CLEC4E: variants seen among roughly 807,000 people sequenced by gnomAD.
CLEC4E encodes C-type (calcium dependent, carbohydrate-recognition domain) lectin, superfamily member 9.
A neutral mutation model predicts 24.7 loss-of-function variants in CLEC4E; 21 were observed. The ratio of observed to expected loss-of-function variants is 0.85; its 90% CI spans 0.60 to 1.22. The LOEUF (loss-of-function observed/expected upper bound fraction) is 1.22, where lower values mean the gene tolerates loss of function less well. Among genes scored for constraint, CLEC4E ranks in the 50% most tolerant of loss-of-function variants. The probability of loss-of-function intolerance (pLI) is 0.00; values close to 1 mark genes in which losing one functional copy is unlikely to be tolerated. For synonymous variants in CLEC4E, 94 were observed against 85.7 expected (o/e 1.10, Z -0.54); for missense variants, 249 against 254.1 (o/e 0.98, Z 0.14).
rs1031816658 is a variant in CLEC4E, at chr12:8,533,325, A to G, written c.*1313T>C. 5 of 152,248 alleles carry G rather than the reference A, an allele frequency of 3.3e-5. No homozygotes were observed. The highest frequency in any genetic ancestry group is 7.3e-5 in the Non-Finnish European group (5 of 68,036). The allele number at this position is 152,248 out of a possible 1,614,324, so 9.4% of individuals were successfully genotyped here. A position where few individuals can be genotyped will look rare whatever the true frequency, so the allele number is the denominator to read the frequency against. ...CATCAGTATTGGTAGAATTTTATGCAATAAATGAATGGGCTATTACTGGAT... is the reference window on the plus strand; with the variant it reads ...CATCAGTATTGGTAGAATTTTATGCGATAAATGAATGGGCTATTACTGGAT... On this transcript the variant is annotated 3_prime_UTR_variant, in exon 6 of 6. Coordinates refer to ENST00000299663, the MANE Select transcript of CLEC4E (RefSeq NM_014358.4).
intron 5 of CLEC4E, among the ~76,000 whole-genome samples, chr12:8,535,093 T>A (rs903555438): frequency 6.6e-6 from 1 of 152,216 alleles, no homozygotes; most frequent in Non-Finnish European, 1.5e-5. Context: ...AGCTATAGAA[T>A]GAGAAGTTAT....
intron 3 of CLEC4E, among the ~76,000 whole-genome samples, chr12:8,538,254 A>G (rs1940643307): frequency 6.6e-6 from 1 of 152,226 alleles, no homozygotes; most frequent in Non-Finnish European, 1.5e-5. Flanking sequence ...TTCAGTGGTC[A>G]CACTCCTAGT....
In CLEC4E at chr12:8,537,270, G is replaced by A. The variant is rs753689301; in HGVS notation, c.221-4C>T. On this transcript the variant is annotated splice_polypyrimidine_tract_variant and splice_region_variant and intron_variant, in intron 3 of 5. Transcript: ENST00000299663. ...GGACAACAATTCTTGACTGAACCTA[G>A]GATGAGAGATGTTTCAGTGAGTGTC... 6.2e-7 allele frequency: 1 copy of A among 1,611,648 alleles called. No homozygotes were observed. The highest frequency in any genetic ancestry group is 8.5e-7 in the Non-Finnish European group (1 of 1,178,044).
intron 2 of CLEC4E, 91 bp downstream of exon 2, chr12:8,539,764 G>C: frequency 1.3e-6 from 1 of 794,138 alleles, no homozygotes; most frequent in South Asian, 1.6e-5. Flanking sequence ...AAGACCCTTT[G>C]AGGGCAAAGA....
chr12:8,536,733 T>C (rs1165657069), intron 4 of CLEC4E, among the ~76,000 whole-genome samples: 1 of 152,198 alleles, frequency 6.6e-6, no homozygotes, highest in African/African-American at 2.4e-5. Context: ...TTATCTACTA[T>C]TATTGGTGGC....
Position 8,540,778 on chromosome 12 carries a change from G to C in CLEC4E, c.20C>G (p.Ser7Cys). MNSSKS[S>C]ETQCTERGCF... ...GATTTTACCTGTGCATTGTGTTTCA[G>C]ATGATTTAGATGAATTCATTTTTTC... Residue 7 changes from serine to cysteine, a missense_variant, in exon 1 of 6, where the codon TCT becomes TGT. Transcript: ENST00000299663. The C allele has an allele frequency of 6.2e-7, 1 of 1,609,144 alleles. No individual in the cohort carries two copies. Among genetic ancestry groups the C allele is most frequent in the Non-Finnish European group, 8.5e-7 (1 of 1,175,912 alleles).
chr12:8,534,647 T>C lies in CLEC4E; in HGVS notation c.651A>G (p.Lys217=), dbSNP rs1436916418. ...MVGINPLNKG[K]SL ...GTTGTGCCTTCTGTTCTTAAAGAGA[T>C]TTTCCTTTGTTCAAAGGATTTATTC... The change falls in exon 6 of 6, where the codon AAA becomes AAG. Residue 217 remains lysine, a synonymous_variant. Coordinates refer to ENST00000299663, the MANE Select transcript of CLEC4E (RefSeq NM_014358.4). 7 of 1,612,832 alleles carry C rather than the reference T, an allele frequency of 4.3e-6. No homozygotes were observed. The highest frequency in any genetic ancestry group is 3.3e-5 in the Admixed American group (2 of 59,898).
rs141145068 is a variant in CLEC4E, at chr12:8,534,803, C to T, written c.495G>A (p.Trp165Ter). The T allele has an allele frequency of 9.3e-6, 15 of 1,610,108 alleles. No homozygotes were observed. The highest frequency in any genetic ancestry group is 2.2e-5 in the East Asian group (1 of 44,838). Residue 165 changes from tryptophan to a stop codon, truncating the protein, a stop_gained, in exon 6 of 6, where the codon TGG becomes TGA. Coordinates refer to ENST00000299663, the MANE Select transcript of CLEC4E (RefSeq NM_014358.4). LOFTEE classifies it low-confidence loss of function (END_TRUNC). ...CTATGTTGTTGGGCTCCCCTACATC[C>T]CAGAAGCTGAAAAAGAATGACATAG... Reference protein sequence around the residue: ...GTPLTKSLSFWDVGEPNNIAT... With the variant: ...GTPLTKSLSF
At chr12:8,535,024 T>C (rs1940594473) in intron 5 of CLEC4E, among the ~76,000 whole-genome samples, 1 of 152,236 alleles carries the variant, frequency 6.6e-6, no homozygotes, top group African/African-American at 2.4e-5. Flanking sequence ...GAACCGGATC[T>C]TTCTGACTTT....
At position 8,533,827 on chromosome 12, in the gene CLEC4E, T is replaced by C. The variant is rs1370853858; in HGVS notation, c.*811A>G. On this transcript the variant is annotated 3_prime_UTR_variant, in exon 6 of 6. Coordinates refer to ENST00000299663, the MANE Select transcript of CLEC4E (RefSeq NM_014358.4). ...TTACCTATATAAAAAGCCTTTAACA[T>C]GTACCCCCGAAAGCTAAAATAAAAG... 2 of 152,210 alleles carry C rather than the reference T, an allele frequency of 1.3e-5. No homozygotes were observed. The highest frequency in any genetic ancestry group is 2.9e-5 in the Non-Finnish European group (2 of 68,064). 9.4% of individuals were successfully genotyped at this position (152,210 alleles called of 1,614,324 possible).
At position 8,536,055 on chromosome 12, in the gene CLEC4E, G is replaced by T. The variant is rs760979535; in HGVS notation, c.488+35C>A. 1.3e-5 allele frequency: 17 copies of T among 1,285,490 alleles called. 1 individual carries two copies. The South Asian group carries it at 2.0e-4, about 15-fold the overall frequency. 79.6% of individuals were successfully genotyped at this position (1,285,490 alleles called of 1,614,324 possible). On this transcript the variant is annotated intron_variant, in intron 5 of 5. Transcript: ENST00000299663. ...GATCTATTGCAGGTAACAGAAGGAG[G>T]TTTCAAGAACTCCTCTCAATAGGAG...
rs1349869980 is a variant in CLEC4E at position 8,534,146 on chromosome 12, A to G, written c.*492T>C. The G allele has an allele frequency of 6.6e-6, 1 of 152,460 alleles. No individual in the cohort carries two copies. The highest frequency in any genetic ancestry group is 1.9e-4 in the East Asian group (1 of 5,204). 9.4% of individuals were successfully genotyped at this position (152,460 alleles called of 1,614,324 possible). On this transcript the variant is annotated 3_prime_UTR_variant, in exon 6 of 6. Coordinates refer to ENST00000299663, the MANE Select transcript of CLEC4E (RefSeq NM_014358.4). Reference sequence around the variant, plus strand: ...AGCAGGAATAAGTTTCATGACTTGAAGAAGCTTCTTACTCATTATACAGGG... The same window carrying G: ...AGCAGGAATAAGTTTCATGACTTGAGGAAGCTTCTTACTCATTATACAGGG...
chr12:8,537,068 T>A, intron 4 of CLEC4E, 47 bp downstream of exon 4: 5 of 1,574,654 alleles, frequency 3.2e-6, no homozygotes, highest in Non-Finnish European at 4.3e-6. Flanking sequence ...AAAAGAGAGG[T>A]GGACCATGTC....
intron 2 of CLEC4E, 117 bp from the exon 3 acceptor site, chr12:8,539,423 G>C (rs1018871626): frequency 1.4e-6 from 1 of 706,626 alleles, no homozygotes; most frequent in African/African-American, 1.8e-5. Context: ...CTTACAATCT[G>C]CTTTTTCTTA....
At chr12:8,535,947 G>T in intron 5 of CLEC4E, 143 bp downstream of exon 5, 1 of 463,472 alleles carries the variant, frequency 2.2e-6, no homozygotes, top group Admixed American at 3.9e-5. Flanking sequence ...AAGGAGAGAA[G>T]TGGGTGCTTG....
chr12:8,534,855 GTAAAGTAACC>G (rs1287107627), intron 5 of CLEC4E, 46 bp from the exon 6 acceptor site: 6 of 1,533,372 alleles, frequency 3.9e-6, no homozygotes, highest in Admixed American at 3.9e-5. Context: ...GCAAAAAGAG[GTAAAGTAACC>G]TAATATACTA....
At chr12:8,540,640 T>A (rs1230978733) in intron 1 of CLEC4E, 121 bp downstream of exon 1, 1 of 844,024 alleles carries the variant, frequency 1.2e-6, no homozygotes, top group African/African-American at 2.9e-5. Context: ...TCTCTTCCTC[T>A]GTCCCCCCAC....
intron 3 of CLEC4E, among the ~76,000 whole-genome samples, chr12:8,537,918 G>GA (rs1565496176): frequency 6.6e-6 from 1 of 152,224 alleles, no homozygotes; most frequent in Non-Finnish European, 1.5e-5. Context: ...GCTACGAGCT[G>GA]AGGGGACATA....
At chr12:8,540,631 C>A in intron 1 of CLEC4E, 130 bp downstream of exon 1, 1 of 834,016 alleles carries the variant, frequency 1.2e-6, no homozygotes, top group Admixed American at 2.1e-5. Context: ...CTCTCTCTCT[C>A]TCTTCCTCTG....
Sources: allele counts gnomAD v4.1 joint callset (sites outside exome capture counted in the v4.1 genomes callset), GRCh38; gene constraint gnomAD v4.1.1; transcripts MANE v1.5; gene names NCBI Gene and HGNC (gene_info 2026-07-23, HGNC 2026-07-21).